MAPK4: variants seen among roughly 807,000 people sequenced by gnomAD.
MAPK4 encodes the protein mitogen-activated protein kinase 4.
MAPK4 carries 22 observed loss-of-function variants against 47.7 expected under a neutral mutation model. That is an observed-to-expected ratio of 0.46 (90% CI 0.33 to 0.66). The LOEUF is 0.66. Ranked by LOEUF, MAPK4 falls within the 30% of genes least tolerant of loss-of-function variation. MAPK4 has a pLI of 0.02. For synonymous variants in MAPK4, 390 were observed against 365.7 expected (o/e 1.07, Z -0.76); for missense variants, 736 against 831.7 (o/e 0.88, Z 1.42).
chr18:50,640,436 T>G (rs1387501054), intron 1 of MAPK4, among the ~76,000 whole-genome samples: 1 of 151,944 alleles, frequency 6.6e-6, no homozygotes, highest in East Asian at 1.9e-4. Context: ...GCAGGGATTG[T>G]GGCTATTTTC....
chr18:50,605,357 T>C (rs1352278572), intron 1 of MAPK4, among the ~76,000 whole-genome samples: 1 of 152,202 alleles, frequency 6.6e-6, no homozygotes, highest in African/African-American at 2.4e-5. Context: ...ATTCAGGTAC[T>C]GCTCTGAGGG....
chr18:50,668,013 CCT>C (rs1038259350), intron 2 of MAPK4, among the ~76,000 whole-genome samples: 1 of 152,170 alleles, frequency 6.6e-6, no homozygotes, highest in African/African-American at 2.4e-5. Flanking sequence ...CCCATGGTCC[CCT>C]CTTTGAGTTT....
chr18:50,674,007 G>A (rs577568879), intron 2 of MAPK4, among the ~76,000 whole-genome samples: 1 of 152,062 alleles, frequency 6.6e-6, no homozygotes, highest in Non-Finnish European at 1.5e-5. Flanking sequence ...TTCTCCAGCT[G>A]ATTAATGAAT....
intron 2 of MAPK4, among the ~76,000 whole-genome samples, chr18:50,691,054 T>G (rs1909185919): frequency 6.6e-6 from 1 of 151,974 alleles, no homozygotes; most frequent in Non-Finnish European, 1.5e-5. Context: ...ATGCAGTGGC[T>G]CAATCATGGC....
intron 1 of MAPK4, among the ~76,000 whole-genome samples, chr18:50,585,881 G>T (rs533344329): frequency 3.9e-5 from 6 of 152,258 alleles, no homozygotes; most frequent in African/African-American, 1.4e-4. Context: ...ATCAGATCTC[G>T]TGAGAACTCA....
At chr18:50,596,568 A>C (rs1451385327) in intron 1 of MAPK4, among the ~76,000 whole-genome samples, 2 of 152,210 alleles carry the variant, frequency 1.3e-5, no homozygotes, top group Non-Finnish European at 2.9e-5. Flanking sequence ...GGTCCAGCAC[A>C]GTCCTCTCTG....
intron 3 of MAPK4, among the ~76,000 whole-genome samples, chr18:50,721,157 C>A (rs1598955899): frequency 6.6e-6 from 1 of 152,144 alleles, no homozygotes; most frequent in African/African-American, 2.4e-5. Flanking sequence ...CTGTCCAGAG[C>A]CAGAAATGCC....
At chr18:50,638,355 G>T (rs111829696) in intron 1 of MAPK4, among the ~76,000 whole-genome samples, 61 of 152,318 alleles carry the variant, frequency 4.0e-4, no homozygotes, top group African/African-American at 1.4e-3. Context: ...ATCCAAGGAC[G>T]TGAGCTTGCC....
chr18:50,603,617 G>A (rs1164157153), intron 1 of MAPK4, among the ~76,000 whole-genome samples: 1 of 152,136 alleles, frequency 6.6e-6, no homozygotes, highest in South Asian at 2.1e-4. Context: ...TGCAGAATGG[G>A]AATAAAGCAG....
At chr18:50,601,498 C>T (rs1180549467) in intron 1 of MAPK4, among the ~76,000 whole-genome samples, 1 of 152,054 alleles carries the variant, frequency 6.6e-6, no homozygotes, top group Non-Finnish European at 1.5e-5. Context: ...GTCTCAATTC[C>T]TTCCACCCCT....
At chr18:50,692,601 G>A (rs539535283) in intron 2 of MAPK4, among the ~76,000 whole-genome samples, 10 of 152,300 alleles carry the variant, frequency 6.6e-5, no homozygotes, top group African/African-American at 1.7e-4. Context: ...TAAAGAATGC[G>A]AAGTGCTTAG....
intron 2 of MAPK4, among the ~76,000 whole-genome samples, chr18:50,677,103 C>G (rs1908316397): frequency 6.6e-6 from 1 of 152,142 alleles, no homozygotes; most frequent in Non-Finnish European, 1.5e-5. Context: ...TACAAGGAAT[C>G]TAGGTTGCAC....
intron 2 of MAPK4, among the ~76,000 whole-genome samples, chr18:50,702,504 AT>A (rs1261618778): frequency 6.6e-6 from 1 of 152,224 alleles, no homozygotes; most frequent in African/African-American, 2.4e-5. Flanking sequence ...TAAAAATGTT[AT>A]TTTTATGAAT....
intron 1 of MAPK4, among the ~76,000 whole-genome samples, chr18:50,644,936 T>C (rs1377985137): frequency 2.6e-5 from 4 of 152,318 alleles, no homozygotes; most frequent in African/African-American, 9.6e-5. Flanking sequence ...TTCTAGAAGC[T>C]GCCACATGGC....
intron 1 of MAPK4, among the ~76,000 whole-genome samples, chr18:50,650,121 C>A (rs2043032569): frequency 6.6e-6 from 1 of 152,238 alleles, no homozygotes; most frequent in Non-Finnish European, 1.5e-5. Flanking sequence ...TAATGTGCTG[C>A]TGCTGTTGTC....
At chr18:50,638,931 T>C (rs1325982594) in intron 1 of MAPK4, among the ~76,000 whole-genome samples, 2 of 152,150 alleles carry the variant, frequency 1.3e-5, no homozygotes, top group Non-Finnish European at 2.9e-5. Flanking sequence ...CCCAAGGTGC[T>C]ATGCTAGGAA....
chr18:50,621,055 T>C (rs963740598), intron 1 of MAPK4, among the ~76,000 whole-genome samples: 2 of 152,208 alleles, frequency 1.3e-5, no homozygotes, highest in Admixed American at 1.3e-4. Context: ...TACTGGGCAC[T>C]GTGCTCAGGG....
chr18:50,598,183 G>C (rs866404308), intron 1 of MAPK4, among the ~76,000 whole-genome samples: 2 of 152,190 alleles, frequency 1.3e-5, no homozygotes, highest in Admixed American at 6.5e-5. Context: ...AATGGAGTCA[G>C]CTGGGTTTAA....
chr18:50,662,062 A>G (rs1227072664), intron 1 of MAPK4, among the ~76,000 whole-genome samples: 2 of 152,186 alleles, frequency 1.3e-5, no homozygotes, highest in African/African-American at 2.4e-5. Flanking sequence ...TGAGTTGACT[A>G]TCGTTTTTGC....
Sources: gnomAD v4.1 joint callset for allele counts (sites outside exome capture counted in the v4.1 genomes callset) on GRCh38, gnomAD v4.1.1 for gene constraint, MANE v1.5 for transcripts, NCBI Gene and HGNC (gene_info 2026-07-23, HGNC 2026-07-21) for gene names.